Variants in TTC17 observed in about 807,000 individuals in gnomAD.
The protein encoded by TTC17 is tetratricopeptide repeat domain 17, also known as tetratricopeptide repeat protein 17.
In TTC17, 58 loss-of-function variants were observed where a neutral mutation model predicts 143.8. The observed-to-expected ratio is 0.40, with a 90% CI of 0.33 to 0.50. The LOEUF is 0.50. Ranked by LOEUF, TTC17 falls within the 20% of genes least tolerant of loss-of-function variation. The pLI is 0.49. For missense variants in TTC17, 1,273 were observed against 1,392.5 expected, an observed-to-expected ratio of 0.91 and a Z score of 1.37; for synonymous variants, 501 against 497.8, an observed-to-expected ratio of 1.01 and a Z score of -0.09.
intron 16 of TTC17, among the ~76,000 whole-genome samples, chr11:43,423,582 A>C (rs1173866604): frequency 6.6e-6 from 1 of 152,184 alleles, no homozygotes; most frequent in African/African-American, 2.4e-5. Context: ...TTCATTTGCA[A>C]GCTTTTAGTT....
At position 43,358,946 on chromosome 11, in the gene TTC17, G is replaced by A. The variant is rs762219791; in HGVS notation, c.-9G>A. 25 of 1,569,618 alleles carry A rather than the reference G, an allele frequency of 1.6e-5. No homozygotes were observed. The South Asian group carries it at 2.6e-4, about 17-fold the overall frequency. ...CTTCCGGTGTGAGCGGCCCGGCCGG[G>A]GGGGCAAGATGGCGGCGGCAGTAGG... On this transcript the variant is annotated 5_prime_UTR_variant, in exon 1 of 24. Coordinates refer to ENST00000039989, the MANE Select transcript of TTC17 (RefSeq NM_018259.6).
rs1225338553 is a variant in TTC17, at chr11:43,494,631, T to G, written c.*727T>G. 1 of 152,126 alleles carries G rather than the reference T, an allele frequency of 6.6e-6. No individual in the cohort carries two copies. Among genetic ancestry groups the G allele is most frequent in the Non-Finnish European group, 1.5e-5 (1 of 68,034 alleles). 9.4% of individuals were successfully genotyped at this position (152,126 alleles called of 1,614,324 possible). A position where few individuals can be genotyped will look rare whatever the true frequency, so the allele number is the denominator to read the frequency against. ...TACAAATCACAAGGAAACCAATAAG[T>G]TGAAATCCTATATAACAGGTTTATA... On this transcript the variant is annotated 3_prime_UTR_variant, in exon 24 of 24. Coordinates refer to ENST00000039989, the MANE Select transcript of TTC17 (RefSeq NM_018259.6).
intron 16 of TTC17, among the ~76,000 whole-genome samples, chr11:43,426,834 T>C (rs1221267729): frequency 6.6e-6 from 1 of 152,220 alleles, no homozygotes; most frequent in Non-Finnish European, 1.5e-5. Flanking sequence ...TCAGCCTTGC[T>C]CTATATCCTT....
chr11:43,366,435 G>C (rs1314213926), intron 1 of TTC17, among the ~76,000 whole-genome samples: 1 of 151,654 alleles, frequency 6.6e-6, no homozygotes, highest in Non-Finnish European at 1.5e-5. Context: ...GAGCCCGGGA[G>C]GTGGAGGTTG....
At position 43,407,321 on chromosome 11, in the gene TTC17, TGTACTAACTGAA is replaced by T; in HGVS notation, c.1840-28_1840-17del. 3 of 1,602,604 alleles carry T rather than the reference TGTACTAACTGAA, an allele frequency of 1.9e-6. No individual in the cohort carries two copies. The highest frequency in any genetic ancestry group is 2.6e-6 in the Non-Finnish European group (3 of 1,171,598). ...TTATTTAGAACAAGTACTGTATTCT[TGTACTAACTGAA>T]GTATTTTTGGATTTTTCAGCCAAAT... On this transcript the variant is annotated intron_variant, in intron 14 of 23. Coordinates refer to ENST00000039989, the MANE Select transcript of TTC17 (RefSeq NM_018259.6).
Position 43,491,968 on chromosome 11 carries a change from T to C in TTC17, c.3151-52T>C, listed in dbSNP as rs551961137. On this transcript the variant is annotated intron_variant, in intron 22 of 23. Coordinates refer to ENST00000039989, the MANE Select transcript of TTC17 (RefSeq NM_018259.6). Reference sequence around the variant, plus strand: ...TCTTTATGATCACCAAAAACAAGAATGAAAGCTCAAAACCCAATTTTCCCT... The same window carrying C: ...TCTTTATGATCACCAAAAACAAGAACGAAAGCTCAAAACCCAATTTTCCCT... 7.0e-5 allele frequency: 113 copies of C among 1,603,116 alleles called. No individual in the cohort carries two copies. The East Asian group carries it at 2.3e-3, about 33-fold the overall frequency.
At chr11:43,408,757 T>C (rs1224593101) in intron 15 of TTC17, among the ~76,000 whole-genome samples, 1 of 152,106 alleles carries the variant, frequency 6.6e-6, no homozygotes, top group African/African-American at 2.4e-5. Flanking sequence ...TTTTTTTTTC[T>C]TTGAGACAGG....
intron 21 of TTC17, among the ~76,000 whole-genome samples, chr11:43,474,338 T>G (rs1010896144): frequency 1.3e-5 from 2 of 152,200 alleles, no homozygotes; most frequent in African/African-American, 4.8e-5. Flanking sequence ...GAAGAGTGGA[T>G]ATATGTAGAG....
At chr11:43,430,726 C>CAT (rs999532595) in intron 16 of TTC17, among the ~76,000 whole-genome samples, 5 of 151,354 alleles carry the variant, frequency 3.3e-5, no homozygotes, top group African/African-American at 1.2e-4. Context: ...CACACACACA[C>CAT]ACACACACAC....
intron 16 of TTC17, among the ~76,000 whole-genome samples, chr11:43,417,058 TTAG>T (rs1245329598): frequency 1.3e-5 from 2 of 152,196 alleles, no homozygotes; most frequent in Non-Finnish European, 2.9e-5. Flanking sequence ...TAAAAATTCA[TTAG>T]TAGTAGTGAA....
At chr11:43,424,481 A>G (rs1382307894) in intron 16 of TTC17, among the ~76,000 whole-genome samples, 1 of 152,110 alleles carries the variant, frequency 6.6e-6, no homozygotes, top group Non-Finnish European at 1.5e-5. Flanking sequence ...AGAAACATGA[A>G]AAGGTGGCTG....
intron 7 of TTC17, among the ~76,000 whole-genome samples, chr11:43,397,694 A>C (rs1857659675): frequency 6.6e-6 from 1 of 152,072 alleles, no homozygotes; most frequent in Non-Finnish European, 1.5e-5. Context: ...ATAATAATTA[A>C]ATTGGAATTT....
In TTC17 at chr11:43,441,130, G is replaced by T. The variant is rs538650738; in HGVS notation, c.2252-2195G>T. On this transcript the variant is annotated intron_variant, in intron 16 of 23. Coordinates refer to ENST00000039989, the MANE Select transcript of TTC17 (RefSeq NM_018259.6). ...ACAAAAATACAAAAAAAGTAGCCAG[G>T]TGTGGTGGCCTGCGCCTATAATCCC... is the stretch of plus-strand genomic sequence containing the variant. 7.9e-4 allele frequency among the ~76,000 whole-genome samples: 119 copies of T among 151,580 alleles called. 1 individual carries two copies. The highest frequency in any genetic ancestry group is 2.8e-3 in the African/African-American group (114 of 40,906).
intron 21 of TTC17, among the ~76,000 whole-genome samples, chr11:43,470,383 C>G (rs1948069611): frequency 6.6e-6 from 1 of 152,064 alleles, no homozygotes; most frequent in Admixed American, 6.5e-5. Context: ...GTTTAGATAC[C>G]CTAAGTTCCA....
At chr11:43,403,131 C>A (rs993220215) in intron 10 of TTC17, among the ~76,000 whole-genome samples, 2 of 151,888 alleles carry the variant, frequency 1.3e-5, no homozygotes, top group East Asian at 3.9e-4. Context: ...ATCTTAAAAC[C>A]AAGCATTTTA....
intron 21 of TTC17, among the ~76,000 whole-genome samples, chr11:43,458,084 T>A (rs1348079951): frequency 2.0e-5 from 3 of 152,192 alleles, no homozygotes; most frequent in Non-Finnish European, 4.4e-5. Flanking sequence ...AAATGGCTGT[T>A]TACTATTACA....
At chr11:43,359,588 C>T (rs1417906689) in intron 1 of TTC17, among the ~76,000 whole-genome samples, 1 of 152,186 alleles carries the variant, frequency 6.6e-6, no homozygotes, top group Non-Finnish European at 1.5e-5. Flanking sequence ...TGCTGCTCCC[C>T]TAGTCTCGTC....
At chr11:43,453,911 C>T (rs1437418816) in intron 21 of TTC17, among the ~76,000 whole-genome samples, 1 of 152,142 alleles carries the variant, frequency 6.6e-6, no homozygotes, top group Non-Finnish European at 1.5e-5. Flanking sequence ...GTAAAATCAT[C>T]TGGCAGCACA....
chr11:43,394,325 G>C (rs1037492021), intron 5 of TTC17, among the ~76,000 whole-genome samples: 10 of 152,210 alleles, frequency 6.6e-5, no homozygotes, highest in Non-Finnish European at 1.5e-4. Flanking sequence ...AGTTGGAGCA[G>C]AGAAGCAATG....
Sources: gnomAD v4.1 joint callset for allele counts (sites outside exome capture counted in the v4.1 genomes callset) on GRCh38, gnomAD v4.1.1 for gene constraint, MANE v1.5 for transcripts, NCBI Gene and HGNC (gene_info 2026-07-23, HGNC 2026-07-21) for gene names.